The following ERC1 variants were observed in gnomAD, a reference collection of about 807,000 sequenced individuals.
ERC1 encodes the protein ELKS/RAB6-interacting/CAST family member 1, also known as RAB6 interacting protein 2.
In ERC1, 56 loss-of-function variants were observed where a neutral mutation model predicts 132.0. That is an observed-to-expected ratio of 0.42 (90% CI 0.34 to 0.53). The LOEUF is 0.53. Ranked by LOEUF, ERC1 falls within the 20% of genes least tolerant of loss-of-function variation. The pLI, the probability that ERC1 is intolerant of heterozygous loss-of-function variation, is 0.03. For missense variants in ERC1, 1,202 were observed against 1,349.9 expected, an observed-to-expected ratio of 0.89 and a Z score of 1.72; for synonymous variants, 478 against 476.1, an observed-to-expected ratio of 1.00 and a Z score of -0.05.
intron 18 of ERC1, among the ~76,000 whole-genome samples, chr12:1,474,138 C>T (rs1216456819): frequency 6.6e-6 from 1 of 152,246 alleles, no homozygotes; most frequent in East Asian, 1.9e-4. Context: ...GCACCATTTC[C>T]ACTTGATCTG....
At chr12:1,341,360 C>A (rs2083875312) in intron 15 of ERC1, among the ~76,000 whole-genome samples, 1 of 151,912 alleles carries the variant, frequency 6.6e-6, no homozygotes. Flanking sequence ...AAGACATGCA[C>A]ACATATGTTT....
chr12:1,408,189 A>T lies in ERC1; in HGVS notation c.2966A>T (p.Asp989Val). 1 of 1,614,108 alleles carries T rather than the reference A, an allele frequency of 6.2e-7. No individual in the cohort carries two copies. The highest frequency in any genetic ancestry group is 2.2e-5 in the East Asian group (1 of 44,876). Residue 989 changes from aspartate to valine, a missense_variant, in exon 17 of 19, where the codon GAT becomes GTT. By Grantham distance (152) the Asp-to-Val change is radical. Coordinates refer to ENST00000360905, the MANE Select transcript of ERC1 (RefSeq NM_178040.4). ...AAGCTAATGGCCGACAACTACGAGG[A>T]TGACCACTTCAAATCCTCCCATTCC... is the stretch of plus-strand genomic sequence containing the variant. Reference protein sequence around the residue: ...RMKLMADNYEDDHFKSSHSNQ... With the variant: ...RMKLMADNYEVDHFKSSHSNQ...
intron 15 of ERC1, among the ~76,000 whole-genome samples, chr12:1,341,069 C>T (rs370737391): frequency 7.4e-4 from 47 of 63,130 alleles, no homozygotes; most frequent in African/African-American, 1.8e-3. Context: ...TTTTCTTTTT[C>T]TTTTTTTTTT....
chr12:1,357,824 G>T (rs2085688625), intron 15 of ERC1, among the ~76,000 whole-genome samples: 1 of 152,148 alleles, frequency 6.6e-6, no homozygotes, highest in African/African-American at 2.4e-5. Flanking sequence ...TTCATCTCTT[G>T]AGGCTCAAGC....
chr12:1,155,091 ATGGATCACCTG>A (rs1951241857), intron 8 of ERC1, among the ~76,000 whole-genome samples: 1 of 152,152 alleles, frequency 6.6e-6, no homozygotes, highest in East Asian at 1.9e-4. Context: ...GCCGAGGCAG[ATGGATCACCTG>A]TGGTCAGGAG....
At chr12:1,219,491 G>C (rs189913792) in intron 12 of ERC1, among the ~76,000 whole-genome samples, 1 of 152,064 alleles carries the variant, frequency 6.6e-6, no homozygotes, top group Admixed American at 6.5e-5. Flanking sequence ...CCTCAAAAAT[G>C]TATCTTTAAT....
chr12:1,235,026 G>A (rs1478312413), intron 12 of ERC1, among the ~76,000 whole-genome samples: 1 of 152,184 alleles, frequency 6.6e-6, no homozygotes, highest in East Asian at 1.9e-4. Flanking sequence ...TTGTGGAAAT[G>A]TCACAAAATT....
At chr12:992,672 T>A (rs1959833606) in intron 1 of ERC1, among the ~76,000 whole-genome samples, 1 of 152,240 alleles carries the variant, frequency 6.6e-6, no homozygotes, top group African/African-American at 2.4e-5. Context: ...TTCACATCAC[T>A]CTTTCACAAC....
Position 1,493,058 on chromosome 12 carries a change from C to T in ERC1, c.*2828C>T, listed in dbSNP as rs968091988. The T allele has an allele frequency of 5.4e-5, 12 of 222,636 alleles. No homozygotes were observed. The highest frequency in any genetic ancestry group is 1.3e-3 in the Middle Eastern group (1 of 762). 13.8% of individuals were successfully genotyped at this position (222,636 alleles called of 1,614,324 possible). A position where few individuals can be genotyped will look rare whatever the true frequency, so the allele number is the denominator to read the frequency against. Reference sequence around the variant, plus strand: ...AACCAATGTCACCATAAAGAGGGCACGAAGAAGAGTGGGTGTGATCCCAAC... The same window carrying T: ...AACCAATGTCACCATAAAGAGGGCATGAAGAAGAGTGGGTGTGATCCCAAC... On this transcript the variant is annotated 3_prime_UTR_variant, in exon 19 of 19. Transcript: ENST00000360905.
At chr12:1,157,768 T>A (rs773918937) in intron 8 of ERC1, among the ~76,000 whole-genome samples, 10 of 152,198 alleles carry the variant, frequency 6.6e-5, no homozygotes, top group Non-Finnish European at 1.3e-4. Flanking sequence ...TGATCAGATT[T>A]TTCAAATACT....
intron 15 of ERC1, among the ~76,000 whole-genome samples, chr12:1,332,939 CTT>C (rs928840390): frequency 3.9e-5 from 6 of 152,064 alleles, no homozygotes; most frequent in Non-Finnish European, 8.8e-5. Flanking sequence ...TGTAGGTAAA[CTT>C]AGGTCATGGA....
chr12:1,119,566 T>A (rs1471721618), intron 7 of ERC1, among the ~76,000 whole-genome samples: 1 of 3,916 alleles, frequency 2.6e-4, no homozygotes, highest in African/African-American at 5.7e-4. Flanking sequence ...TGTGTGTGTG[T>A]GTGAGATGGA....
intron 3 of ERC1, among the ~76,000 whole-genome samples, chr12:1,084,479 A>G (rs1249396576): frequency 6.6e-6 from 1 of 152,160 alleles, no homozygotes; most frequent in Non-Finnish European, 1.5e-5. Context: ...CCTTTTGTAA[A>G]AAGTCTGAAA....
chr12:1,327,177 A>G (rs1021274696), intron 15 of ERC1, among the ~76,000 whole-genome samples: 3 of 151,254 alleles, frequency 2.0e-5, no homozygotes, highest in African/African-American at 7.4e-5. Flanking sequence ...CAAATGTATA[A>G]CCTCTTTATG....
intron 14 of ERC1, among the ~76,000 whole-genome samples, chr12:1,274,072 A>G (rs1047466095): frequency 6.6e-6 from 1 of 152,230 alleles, no homozygotes; most frequent in African/African-American, 2.4e-5. Context: ...AGCATCATGT[A>G]GATGCTTAAA....
upstream of ERC1, chr12:991,101 C>G (rs1197753139): frequency 6.6e-6 from 1 of 151,328 alleles, no homozygotes; most frequent in Non-Finnish European, 1.5e-5. Flanking sequence ...GCGTCACGCT[C>G]CCGGGAGGCT....
Position 1,083,398 on chromosome 12 carries a change from C to G in ERC1, c.904C>G (p.Leu302Val). ...GCGTATTGAGACTCAAAAGCAGACC[C>G]TAAATGCTCGGGATGAATCCATTAA... ...ELRIETQKQTLNARDESIKKL... is the reference protein window; with the variant it reads ...ELRIETQKQTVNARDESIKKL... The change falls in exon 3 of 19, where the codon CTA becomes GTA. Residue 302 changes from leucine to valine, a missense_variant. Transcript: ENST00000360905. The G allele has an allele frequency of 6.2e-7, 1 of 1,614,108 alleles. No homozygotes were observed. Among genetic ancestry groups the G allele is most frequent in the African/African-American group, 1.3e-5 (1 of 75,028 alleles).
chr12:1,192,308 C>T (rs939623997), intron 12 of ERC1, among the ~76,000 whole-genome samples: 1 of 152,152 alleles, frequency 6.6e-6, no homozygotes, highest in African/African-American at 2.4e-5. Flanking sequence ...CTGAGCTCTG[C>T]TTATTTTAGG....
intron 14 of ERC1, among the ~76,000 whole-genome samples, chr12:1,281,896 G>C (rs1286770662): frequency 2.0e-5 from 3 of 152,110 alleles, no homozygotes; most frequent in African/African-American, 7.2e-5. Context: ...GCAAGATACT[G>C]AGGGTCATAG....
Sources: gnomAD v4.1 joint callset for allele counts (sites outside exome capture counted in the v4.1 genomes callset) on GRCh38, gnomAD v4.1.1 for gene constraint, MANE v1.5 for transcripts, NCBI Gene and HGNC (gene_info 2026-07-23, HGNC 2026-07-21) for gene names.